Variants in RUNX2 observed in about 807,000 individuals in gnomAD.
RUNX2 encodes the protein runt-related transcription factor 2.
In RUNX2, 10 loss-of-function variants were observed where a neutral mutation model predicts 51.7. The observed-to-expected ratio is 0.19, with a 90% CI of 0.12 to 0.33. The LOEUF (loss-of-function observed/expected upper bound fraction) is 0.33. Among genes scored for constraint, RUNX2 ranks in the 10% least tolerant of loss-of-function variants. The pLI is 1.00. For synonymous variants in RUNX2, 276 were observed against 273.6 expected (o/e 1.01, Z -0.09); for missense variants, 562 against 691.3 (o/e 0.81, Z 2.10).
At chr6:45,387,611 C>T (rs912042648) in intron 2 of RUNX2, among the ~76,000 whole-genome samples, 1 of 152,190 alleles carries the variant, frequency 6.6e-6, no homozygotes. Context: ...CACATACTCT[C>T]CTGATCTCCA....
intron 7 of RUNX2, among the ~76,000 whole-genome samples, 166 bp from the exon 8 acceptor site, chr6:45,545,051 C>T (rs1359529566): frequency 1.3e-5 from 2 of 152,088 alleles, no homozygotes; most frequent in Non-Finnish European, 2.9e-5. Context: ...CTAGCTTTTA[C>T]CCTCTGCTTA....
At chr6:45,505,519 T>C (rs7750470) in intron 6 of RUNX2, among the ~76,000 whole-genome samples, 37,565 of 151,998 alleles carry the variant, frequency 0.25, 5,439 homozygotes, top group African/African-American at 0.4. Context: ...AGGAAGTGCA[T>C]AGCCACCCCC....
intron 7 of RUNX2, among the ~76,000 whole-genome samples, chr6:45,543,768 T>G (rs1247024933): frequency 1.3e-5 from 2 of 152,118 alleles, no homozygotes; most frequent in East Asian, 3.8e-4. Flanking sequence ...AAAGAAAACC[T>G]GAGTTCATGT....
chr6:45,486,398 C>G (rs1489780895), intron 5 of RUNX2, among the ~76,000 whole-genome samples: 1 of 152,208 alleles, frequency 6.6e-6, no homozygotes, highest in African/African-American at 2.4e-5. Flanking sequence ...GCTGCACTAA[C>G]TGACCCAAAT....
intron 7 of RUNX2, among the ~76,000 whole-genome samples, chr6:45,543,046 C>T (rs1292341576): frequency 6.6e-6 from 1 of 152,122 alleles, no homozygotes; most frequent in Non-Finnish European, 1.5e-5. Context: ...TAAAGCTTTA[C>T]AAGAGCAAAA....
intron 7 of RUNX2, among the ~76,000 whole-genome samples, chr6:45,539,353 T>C (rs879729963): frequency 2.0e-5 from 3 of 152,182 alleles, no homozygotes; most frequent in Admixed American, 6.6e-5. Context: ...ATATTTAGAC[T>C]GGATAGTCGA....
chr6:45,386,068 C>CTTTTTTTTTTTTTTTT (rs112684794), intron 2 of RUNX2, among the ~76,000 whole-genome samples: 1 of 135,044 alleles, frequency 7.4e-6, no homozygotes, highest in Non-Finnish European at 1.6e-5. Context: ...CTTATTAGTG[C>CTTTTTTTTTTTTTTTT]TTTTTTTTTT....
At chr6:45,352,671 T>G (rs1792302894) in intron 2 of RUNX2, among the ~76,000 whole-genome samples, 1 of 152,154 alleles carries the variant, frequency 6.6e-6, no homozygotes, top group South Asian at 2.1e-4. Flanking sequence ...TACCTAGTAT[T>G]CTGTTTATAA....
intron 2 of RUNX2, among the ~76,000 whole-genome samples, chr6:45,410,123 G>A (rs1425174556): frequency 6.6e-6 from 1 of 152,190 alleles, no homozygotes; most frequent in African/African-American, 2.4e-5. Context: ...AGGACATGAA[G>A]GGGTTTTGTA....
intron 7 of RUNX2, among the ~76,000 whole-genome samples, chr6:45,531,106 T>C (rs1168251519): frequency 1.3e-5 from 2 of 152,178 alleles, no homozygotes; most frequent in Non-Finnish European, 2.9e-5. Flanking sequence ...GTGAAAGGGA[T>C]AGAGAGTGAA....
At chr6:45,509,871 T>G (rs1446613298) in intron 6 of RUNX2, among the ~76,000 whole-genome samples, 2 of 152,216 alleles carry the variant, frequency 1.3e-5, no homozygotes. Context: ...TGGTATAGGT[T>G]AAACTGCTTG....
rs2150454170 is a variant in RUNX2 at position 45,547,124 on chromosome 6, G to A, written c.1385G>A (p.Gly462Glu). 1 of 1,614,044 alleles carries A rather than the reference G, an allele frequency of 6.2e-7. No homozygotes were observed. The highest frequency in any genetic ancestry group is 1.3e-5 in the African/African-American group (1 of 74,994). ...GSYQFPMVPG[G>E]DRSPSRMLPP... is the part of the protein sequence containing the mutation. ...TATCAGTTTCCCATGGTGCCGGGGG[G>A]AGACCGGTCTCCTTCCAGAATGCTT... is the stretch of plus-strand genomic sequence containing the variant. The change falls in exon 9 of 9, where the codon GGA becomes GAA. Residue 462 changes from glycine (G) to glutamate (E), a missense_variant. Physicochemically the swap from Gly to Glu is moderately conservative, Grantham distance 98. Transcript: ENST00000647337.
rs144910604 is a variant in RUNX2, at chr6:45,418,262, G to A, written c.59-4331G>A. Among the ~76,000 whole-genome samples the A allele has an allele frequency of 9.2e-5, 14 of 152,186 alleles. No homozygotes were observed. The East Asian group carries it at 2.7e-3, about 29-fold the overall frequency. The stretch of plus-strand genomic sequence containing the variant: ...CTGTTCCCAGTCAGTTCTTTGACTG[G>A]ATAAATAACCTGACTGCTTCACATC... On this transcript the variant is annotated intron_variant, in intron 2 of 8. Coordinates refer to ENST00000647337, the MANE Select transcript of RUNX2 (RefSeq NM_001024630.4).
chr6:45,504,867 C>T lies in RUNX2; in HGVS notation c.860-7379C>T, dbSNP rs909644660. On this transcript the variant is annotated intron_variant, in intron 6 of 8. Coordinates refer to ENST00000647337, the MANE Select transcript of RUNX2 (RefSeq NM_001024630.4). Reference sequence around the variant, plus strand: ...CAAGAAATATTTGAGGTTTACACAGCCTGATTTGAGTACTGTTTAGGGGGA... The same window carrying T: ...CAAGAAATATTTGAGGTTTACACAGTCTGATTTGAGTACTGTTTAGGGGGA... Among the ~76,000 whole-genome samples, 15 of 152,236 alleles carry T rather than the reference C, an allele frequency of 9.9e-5. No homozygotes were observed. The East Asian group carries it at 2.9e-3, about 29-fold the overall frequency.
intron 5 of RUNX2, among the ~76,000 whole-genome samples, chr6:45,465,833 A>G (rs1799614523): frequency 6.7e-6 from 1 of 149,488 alleles, no homozygotes; most frequent in Non-Finnish European, 1.5e-5. Flanking sequence ...TTTAGTGGAG[A>G]CAGGGTTTCA....
intron 2 of RUNX2, among the ~76,000 whole-genome samples, chr6:45,375,810 T>C (rs1796697883): frequency 6.6e-6 from 1 of 151,856 alleles, no homozygotes; most frequent in South Asian, 2.1e-4. Context: ...AAATTTGACT[T>C]TATATACACT....
chr6:45,533,888 CTTTTT>C (rs553154980), intron 7 of RUNX2, among the ~76,000 whole-genome samples: 29,969 of 107,294 alleles, frequency 0.28, 2,770 homozygotes, highest in African/African-American at 0.37. Flanking sequence ...CCTGTTGAGA[CTTTTT>C]TTTTTTTTTT....
chr6:45,459,296 A>G (rs1799406460), intron 5 of RUNX2, among the ~76,000 whole-genome samples: 1 of 152,230 alleles, frequency 6.6e-6, no homozygotes, highest in African/African-American at 2.4e-5. Flanking sequence ...TGTAAAAATC[A>G]TAGAATTACC....
At chr6:45,338,912 T>C (rs1789177795) in intron 2 of RUNX2, among the ~76,000 whole-genome samples, 1 of 152,134 alleles carries the variant, frequency 6.6e-6, no homozygotes. Flanking sequence ...GCTTGCCTCA[T>C]ACAAATTCTA....
Sources: allele counts gnomAD v4.1 joint callset (sites outside exome capture counted in the v4.1 genomes callset), GRCh38; gene constraint gnomAD v4.1.1; transcripts MANE v1.5; gene names NCBI Gene and HGNC (gene_info 2026-07-23, HGNC 2026-07-21).